PHF21A: variants seen among roughly 807,000 people sequenced by gnomAD.
PHF21A encodes BHC80a.
In PHF21A, 11 loss-of-function variants were observed where a neutral mutation model predicts 82.5. The ratio of observed to expected loss-of-function variants is 0.13; its 90% CI spans 0.08 to 0.22. The LOEUF is 0.22. PHF21A is among the 10% of genes least tolerant of loss of function. The probability of loss-of-function intolerance (pLI) is 1.00; values close to 1 mark genes in which losing one functional copy is unlikely to be tolerated. For missense variants in PHF21A, 579 were observed against 837.8 expected (o/e 0.69, Z 3.81); for synonymous variants, 297 against 302.8 (o/e 0.98, Z 0.20).
chr11:45,965,767 A>G (rs1214055130), intron 9 of PHF21A, among the ~76,000 whole-genome samples, 159 bp from the exon 10 acceptor site: 2 of 152,138 alleles, frequency 1.3e-5, no homozygotes. Context: ...ATAATCTTAT[A>G]CAAGACTCAT....
chr11:45,964,438 G>A (rs2093314346), intron 10 of PHF21A, among the ~76,000 whole-genome samples: 1 of 152,072 alleles, frequency 6.6e-6, no homozygotes, highest in Admixed American at 6.5e-5. Flanking sequence ...AAGGCAGCAG[G>A]CAGCATCTGA....
chr11:45,934,010 C>A lies in PHF21A; in HGVS notation c.2004G>T (p.Gln668His), dbSNP rs1168937477. The A allele has an allele frequency of 6.2e-7, 1 of 1,608,398 alleles. No individual in the cohort carries two copies. Among genetic ancestry groups the A allele is most frequent in the East Asian group, 2.2e-5 (1 of 44,810 alleles). The change falls in exon 19 of 19, where the codon CAG (glutamine) becomes CAT (histidine). Residue 668 changes from glutamine to histidine, a missense_variant. Gln to His is a conservative substitution (Grantham distance 24). Transcript: ENST00000676320. ...CCTGGTTACAGTTCGCTGTGCAGCT[C>A]TGGGAGGAGGGGGAAGGGGCCGGCG... ...TSTPAPSPSS[Q>H]SCTANCNQGE...
intron 6 of PHF21A, among the ~76,000 whole-genome samples, chr11:46,050,097 G>C (rs1370577985): frequency 6.6e-6 from 1 of 152,180 alleles, no homozygotes; most frequent in Non-Finnish European, 1.5e-5. Flanking sequence ...TTGCCACTAG[G>C]GATTGCCACT....
chr11:46,009,193 C>T (rs918037057), intron 6 of PHF21A, among the ~76,000 whole-genome samples: 3 of 151,968 alleles, frequency 2.0e-5, no homozygotes, highest in African/African-American at 7.3e-5. Context: ...AGGCTGATCT[C>T]CAACTCCCGA....
At chr11:46,007,254 C>T (rs879714094) in intron 6 of PHF21A, among the ~76,000 whole-genome samples, 9 of 151,942 alleles carry the variant, frequency 5.9e-5, no homozygotes, top group African/African-American at 1.9e-4. Context: ...ATCCAGGTAG[C>T]GCTGAAGCCA....
At chr11:45,953,721 G>A in intron 10 of PHF21A, 96 bp from the exon 11 acceptor site, 2 of 737,790 alleles carry the variant, frequency 2.7e-6, no homozygotes, top group Non-Finnish European at 2.4e-6. Context: ...GAAGAAAGAA[G>A]ACAACATATT....
At chr11:46,083,110 G>A (rs1474528919) in intron 4 of PHF21A, among the ~76,000 whole-genome samples, 1 of 151,662 alleles carries the variant, frequency 6.6e-6, no homozygotes. Context: ...CTCAGAAAAA[G>A]ACGAGCTTGT....
At chr11:46,073,201 G>A (rs534130185) in intron 6 of PHF21A, among the ~76,000 whole-genome samples, 19 of 151,974 alleles carry the variant, frequency 1.3e-4, no homozygotes, top group African/African-American at 2.9e-4. Context: ...GGTGGCGGGC[G>A]CCTGTAGTCC....
At chr11:45,968,910 G>A (rs548908728) in intron 9 of PHF21A, among the ~76,000 whole-genome samples, 5 of 132,472 alleles carry the variant, frequency 3.8e-5, no homozygotes, top group South Asian at 2.5e-4. Context: ...CAGCCTGTGC[G>A]ATGGGAGCGA....
intron 6 of PHF21A, among the ~76,000 whole-genome samples, chr11:46,010,632 AC>A (rs1285987082): frequency 1.3e-5 from 2 of 152,218 alleles, no homozygotes; most frequent in Non-Finnish European, 2.9e-5. Context: ...GTCAACAATC[AC>A]AAAACAAAAC....
chr11:45,996,650 C>T (rs1348231605), intron 6 of PHF21A, among the ~76,000 whole-genome samples: 1 of 152,192 alleles, frequency 6.6e-6, no homozygotes, highest in Non-Finnish European at 1.5e-5. Context: ...GGTGTACATG[C>T]TTGAGCAGAT....
intron 15 of PHF21A, among the ~76,000 whole-genome samples, chr11:45,943,192 G>T (rs1366218282): frequency 7.4e-6 from 1 of 135,568 alleles, no homozygotes; most frequent in Non-Finnish European, 1.5e-5. Flanking sequence ...GCGCAATCAT[G>T]GCTCACTGCA....
chr11:46,104,755 T>C (rs2097135663), intron 1 of PHF21A, among the ~76,000 whole-genome samples: 1 of 152,200 alleles, frequency 6.6e-6, no homozygotes, highest in African/African-American at 2.4e-5. Flanking sequence ...AGGAGGCTGG[T>C]ATTACCATCT....
chr11:46,052,049 G>A (rs985264384), intron 6 of PHF21A, among the ~76,000 whole-genome samples: 1 of 152,172 alleles, frequency 6.6e-6, no homozygotes, highest in Non-Finnish European at 1.5e-5. Flanking sequence ...TCAAGGTTGA[G>A]ATGATCCAGG....
chr11:45,962,982 T>C (rs1013585013), intron 10 of PHF21A, among the ~76,000 whole-genome samples: 1 of 151,918 alleles, frequency 6.6e-6, no homozygotes, highest in African/African-American at 2.4e-5. Context: ...TATAATATTA[T>C]AATTAAAATA....
chr11:46,099,720 A>C (rs183488551), intron 1 of PHF21A, among the ~76,000 whole-genome samples: 1 of 152,202 alleles, frequency 6.6e-6, no homozygotes, highest in Non-Finnish European at 1.5e-5. Context: ...CATTTCAAGC[A>C]CTAAAAGAAT....
chr11:46,032,479 G>T (rs78329000), intron 6 of PHF21A, among the ~76,000 whole-genome samples: 1 of 123,300 alleles, frequency 8.1e-6, no homozygotes, highest in African/African-American at 3.4e-5. Flanking sequence ...TACACCAAAT[G>T]TTTTTTTCAA....
Position 45,971,367 on chromosome 11 carries a change from TC to T in PHF21A, c.361-1del, listed in dbSNP as rs1259984283. On this transcript the variant is annotated splice_acceptor_variant, in intron 7 of 18. Transcript: ENST00000676320. LOFTEE classifies it high-confidence loss of function. ...ATCATAGAAGCTGTAGTTACAGTCT[TC>T]TAGGAGACAGGGAAAACAGATATTA... The T allele has an allele frequency of 6.2e-7, 1 of 1,612,508 alleles. No individual in the cohort carries two copies. The highest frequency in any genetic ancestry group is 1.1e-5 in the South Asian group (1 of 90,994).
At chr11:46,040,821 G>C (rs2096120020) in intron 6 of PHF21A, among the ~76,000 whole-genome samples, 1 of 150,934 alleles carries the variant, frequency 6.6e-6, no homozygotes, top group Admixed American at 6.6e-5. Context: ...AAAAGCCCAG[G>C]AATAGCTCCC....
Sources: gnomAD v4.1 joint callset for allele counts (sites outside exome capture counted in the v4.1 genomes callset) on GRCh38, gnomAD v4.1.1 for gene constraint, MANE v1.5 for transcripts, NCBI Gene and HGNC (gene_info 2026-07-23, HGNC 2026-07-21) for gene names.